The following MEPE variants were observed in gnomAD, a reference collection of about 807,000 sequenced individuals.
MEPE encodes the protein matrix, extracellular phosphoglycoprotein with ASARM motif (bone).
MEPE carries 7 observed loss-of-function variants against 7.3 expected under a neutral mutation model. The ratio of observed to expected loss-of-function variants is 0.95; its 90% CI spans 0.54 to 1.79. The LOEUF (loss-of-function observed/expected upper bound fraction) is 1.79, where lower values mean the gene tolerates loss of function less well. Among genes scored for constraint, MEPE ranks in the 40% most tolerant of loss-of-function variants. The pLI, the probability that MEPE is intolerant of heterozygous loss-of-function variation, is 0.00. For synonymous variants in MEPE, 214 were observed against 213.1 expected (o/e 1.00, Z -0.04); for missense variants, 623 against 628.2 (o/e 0.99, Z 0.09).
chr4:87,826,849 TG>T (rs1378516304), intron 1 of MEPE, among the ~76,000 whole-genome samples: 2 of 152,212 alleles, frequency 1.3e-5, no homozygotes, highest in Admixed American at 6.5e-5. Context: ...TGTTGGTTTT[TG>T]TTTTTTTCTT....
At chr4:87,840,294 A>G (rs1560540075) in intron 3 of MEPE, among the ~76,000 whole-genome samples, 2 of 152,186 alleles carry the variant, frequency 1.3e-5, no homozygotes, top group Admixed American at 1.3e-4. Flanking sequence ...TGTCACTACA[A>G]TGACAATAAT....
chr4:87,827,186 T>A (rs995757664), intron 1 of MEPE, among the ~76,000 whole-genome samples: 2 of 152,114 alleles, frequency 1.3e-5, no homozygotes, highest in East Asian at 1.9e-4. Flanking sequence ...AAATCACAAG[T>A]GAGAATCATG....
At position 87,845,443 on chromosome 4, in the gene MEPE, A is replaced by G. The variant is rs1398375337; in HGVS notation, c.575A>G (p.Lys192Arg). 4 of 1,613,854 alleles carry G rather than the reference A, an allele frequency of 2.5e-6. No homozygotes were observed. The African/African-American group carries it at 5.3e-5, about 22-fold the overall frequency. Residue 192 changes from lysine (K) to arginine (R), a missense_variant, in exon 4 of 4, where the codon AAG (lysine) becomes AGG (arginine). Lys to Arg is a conservative substitution (Grantham distance 26). Transcript: ENST00000361056. ...ATGAATTATGCTAAAGCACACTCGA[A>G]GGATAAAAAGAAGCCTCAAAGAGAT... ...ASMNYAKAHS[K>R]DKKKPQRDSQ... is the part of the protein sequence containing the mutation.
At chr4:87,839,543 T>C in intron 3 of MEPE, 10 of 623,960 alleles carry the variant, frequency 1.6e-5, no homozygotes, top group Non-Finnish European at 2.0e-5. Context: ...CACCCTCCTG[T>C]GGTTATAAGA....
At position 87,838,692 on chromosome 4, in the gene MEPE, A is replaced by C; in HGVS notation, c.108+7A>C. 6.2e-7 allele frequency: 1 copy of C among 1,611,386 alleles called. No homozygotes were observed. Among genetic ancestry groups the C allele is most frequent in the Non-Finnish European group, 8.5e-7 (1 of 1,177,952 alleles). On this transcript the variant is annotated splice_region_variant and intron_variant, in intron 3 of 3. Coordinates refer to ENST00000361056, the MANE Select transcript of MEPE (RefSeq NM_020203.6). ...CTGTGTGGAAGAGCAGAGGGTAAAC[A>C]GAATTCATCTTTTCAAATAACTCTA...
chr4:87,846,256 T>A lies in MEPE; in HGVS notation c.1388T>A (p.Ile463Lys). The A allele has an allele frequency of 6.2e-7, 1 of 1,613,952 alleles. No homozygotes were observed. The change falls in exon 4 of 4, where the codon ATA becomes AAA. Residue 463 changes from isoleucine to lysine, a missense_variant. Transcript: ENST00000361056. ...SFNGPSHENI[I>K]THGRKYHYVP... ...AATGGCCCCAGTCATGAGAATATAA[T>A]AACACATGGCAGAAAATATCATTAT...
rs72875497 is a variant in MEPE, at chr4:87,840,041, C to T, written c.108+1356C>T. On this transcript the variant is annotated intron_variant, in intron 3 of 3. Coordinates refer to ENST00000361056, the MANE Select transcript of MEPE (RefSeq NM_020203.6). The stretch of plus-strand genomic sequence containing the variant: ...AGGACCTGTGGCTGCAGGTGTGATA[C>T]TCATGGACCTCAGGTGCCCATGGAC... The T allele has an allele frequency of 1.2e-3, 1,886 of 1,535,390 alleles. 34 individuals are homozygous for T. The African/African-American group carries it at 0.023, about 19-fold the overall frequency.
chr4:87,839,685 A>G, intron 3 of MEPE: 1 of 1,547,736 alleles, frequency 6.5e-7, no homozygotes, highest in Non-Finnish European at 8.7e-7. Context: ...GTTTTTGTAG[A>G]TAACATACAA....
intron 1 of MEPE, among the ~76,000 whole-genome samples, chr4:87,833,422 A>G (rs1722654817): frequency 6.6e-6 from 1 of 152,210 alleles, no homozygotes; most frequent in Non-Finnish European, 1.5e-5. Flanking sequence ...GTCCTGATCT[A>G]TAAAATGCTT....
intron 1 of MEPE, 63 bp from the exon 2 acceptor site, chr4:87,834,640 T>G: frequency 7.6e-7 from 1 of 1,310,034 alleles, no homozygotes; most frequent in South Asian, 1.2e-5. Flanking sequence ...GTTTTATCTC[T>G]TCTTATGGCT....
In MEPE at chr4:87,841,538, A is replaced by T. The variant is rs559534265; in HGVS notation, c.108+2853A>T. Among the ~76,000 whole-genome samples the T allele has an allele frequency of 2.0e-5, 3 of 152,304 alleles. No individual in the cohort carries two copies. In the East Asian group the frequency reaches 5.8e-4, roughly 29 times the overall value. ...ACATTGGCACTTTTGCAGACCATAT[A>T]TTAGCTAGCTTCTTAAAAGTAGAGG... On this transcript the variant is annotated intron_variant, in intron 3 of 3. Coordinates refer to ENST00000361056, the MANE Select transcript of MEPE (RefSeq NM_020203.6).
chr4:87,825,239 C>T (rs1430036637), intron 1 of MEPE, among the ~76,000 whole-genome samples: 1 of 152,160 alleles, frequency 6.6e-6, no homozygotes, highest in Non-Finnish European at 1.5e-5. Context: ...GTATGTCTCA[C>T]CTCTTAGCCA....
chr4:87,846,349 G>A lies in MEPE; in HGVS notation c.1481G>A (p.Arg494Lys). 2 of 1,614,096 alleles carry A rather than the reference G, an allele frequency of 1.2e-6. No individual in the cohort carries two copies. The highest frequency in any genetic ancestry group is 3.3e-5 in the Admixed American group (2 of 60,024). ...GMPQGKGSWG[R>K]QPHSNRRFSS... is the part of the protein sequence containing the mutation. ...CCACAAGGGAAAGGCTCCTGGGGTA[G>A]ACAACCCCATTCCAACAGGAGGTTT... The change falls in exon 4 of 4, where the codon AGA becomes AAA. Residue 494 changes from arginine to lysine, a missense_variant. Arg to Lys is a conservative substitution (Grantham distance 26, BLOSUM62 2). Transcript: ENST00000361056.
chr4:87,838,729 T>A, intron 3 of MEPE, 44 bp downstream of exon 3: 1 of 1,567,138 alleles, frequency 6.4e-7, no homozygotes, highest in Non-Finnish European at 8.7e-7. Flanking sequence ...TTCAGCTCTA[T>A]AAAGAAAAAG....
At chr4:87,830,762 A>C (rs777092470), upstream of MEPE, among the ~76,000 whole-genome samples, 1 of 151,904 alleles carries the variant, frequency 6.6e-6, no homozygotes, top group Non-Finnish European at 1.5e-5. Context: ...ACATGAGGTG[A>C]GGGAGAGGAG....
At chr4:87,826,591 A>C (rs1461450226) in intron 1 of MEPE, among the ~76,000 whole-genome samples, 2 of 151,966 alleles carry the variant, frequency 1.3e-5, no homozygotes, top group Non-Finnish European at 2.9e-5. Flanking sequence ...TGGTTAACTA[A>C]TTTATACTCC....
At chr4:87,827,744 A>G (rs1191777213) in intron 1 of MEPE, among the ~76,000 whole-genome samples, 1 of 152,178 alleles carries the variant, frequency 6.6e-6, no homozygotes, top group Admixed American at 6.5e-5. Context: ...ATAAAAATAA[A>G]AGCAAATTAT....
chr4:87,844,543 A>G (rs910030488), intron 3 of MEPE, among the ~76,000 whole-genome samples: 1 of 152,194 alleles, frequency 6.6e-6, no homozygotes, highest in African/African-American at 2.4e-5. Context: ...TCCTTTAGGC[A>G]GATGAATACC....
intron 2 of MEPE, among the ~76,000 whole-genome samples, chr4:87,838,348 C>T (rs1355867468): frequency 6.6e-6 from 1 of 152,182 alleles, no homozygotes; most frequent in Non-Finnish European, 1.5e-5. Context: ...TCCCTCCCTA[C>T]TCCCCCACCA....
Sources: gnomAD v4.1 joint callset for allele counts (sites outside exome capture counted in the v4.1 genomes callset) on GRCh38, gnomAD v4.1.1 for gene constraint, MANE v1.5 for transcripts, NCBI Gene and HGNC (gene_info 2026-07-23, HGNC 2026-07-21) for gene names.